NAP1L1: variants seen among roughly 807,000 people sequenced by gnomAD.
The protein encoded by NAP1L1 is nucleosome assembly protein 1-like 1.
NAP1L1 carries 9 observed loss-of-function variants against 58.9 expected under a neutral mutation model. The observed-to-expected ratio is 0.15, with a 90% CI of 0.09 to 0.27. The LOEUF (loss-of-function observed/expected upper bound fraction) is 0.27. NAP1L1 is among the 10% of genes least tolerant of loss of function. The pLI, the probability that NAP1L1 is intolerant of heterozygous loss-of-function variation, is 1.00. For synonymous variants in NAP1L1, 130 were observed against 138.3 expected (o/e 0.94, Z 0.42); for missense variants, 302 against 458.8 (o/e 0.66, Z 3.12).
At chr12:76,083,299 G>T (rs142221070) in intron 1 of NAP1L1, among the ~76,000 whole-genome samples, 2,145 of 151,286 alleles carry the variant, frequency 0.014, 12 homozygotes, top group Non-Finnish European at 0.024. Flanking sequence ...CTTCAATAAA[G>T]GAACTAATTT....
At chr12:76,076,148 A>G (rs1010068402) in intron 1 of NAP1L1, among the ~76,000 whole-genome samples, 4 of 152,204 alleles carry the variant, frequency 2.6e-5, no homozygotes, top group Non-Finnish European at 5.9e-5. Context: ...CAAGTCCTGC[A>G]CATCCTTTGG....
Position 76,038,869 on chromosome 12 carries a change from G to A in NAP1L1, c.*9560C>T, listed in dbSNP as rs1364173151. Reference sequence around the variant, plus strand: ...CCTTAAACATGTCAGAAACCAGAAAGTTTTTGTTTCTAATGAGATTTCATT... The same window carrying A: ...CCTTAAACATGTCAGAAACCAGAAAATTTTTGTTTCTAATGAGATTTCATT... On this transcript the variant is annotated 3_prime_UTR_variant, in exon 15 of 15. Transcript: ENST00000618691. 1 of 151,972 alleles carries A rather than the reference G, an allele frequency of 6.6e-6. No individual in the cohort carries two copies. The highest frequency in any genetic ancestry group is 1.5e-5 in the Non-Finnish European group (1 of 67,996). The allele number at this position is 151,972 out of a possible 1,614,324, so 9.4% of individuals were successfully genotyped here. A position where few individuals can be genotyped will look rare whatever the true frequency, so the allele number is the denominator to read the frequency against.
At chr12:76,081,087 T>TTA (rs1555187739) in intron 1 of NAP1L1, among the ~76,000 whole-genome samples, 6 of 151,626 alleles carry the variant, frequency 4.0e-5, no homozygotes, top group African/African-American at 1.2e-4. Context: ...TCTTTTTTTT[T>TTA]AAATAAATTA....
intron 1 of NAP1L1, among the ~76,000 whole-genome samples, chr12:76,074,630 T>G (rs1354231936): frequency 6.6e-6 from 1 of 152,232 alleles, no homozygotes; most frequent in Admixed American, 6.5e-5. Context: ...GCTTAAATTT[T>G]TAGACTACGT....
chr12:76,082,866 CAGATACTCGTTTCCAA>C (rs1262636124), intron 1 of NAP1L1, among the ~76,000 whole-genome samples: 3 of 152,148 alleles, frequency 2.0e-5, no homozygotes, highest in Non-Finnish European at 2.9e-5. Flanking sequence ...AAAGAGGACC[CAGATACTCGTTTCCAA>C]AGATGTTTTG....
At chr12:76,079,583 C>T (rs2137113008) in intron 1 of NAP1L1, among the ~76,000 whole-genome samples, 1 of 151,808 alleles carries the variant, frequency 6.6e-6, no homozygotes, top group South Asian at 2.1e-4. Flanking sequence ...CAAGGAAAAA[C>T]ATTAAGATAA....
intron 1 of NAP1L1, among the ~76,000 whole-genome samples, chr12:76,079,228 T>G (rs930162395): frequency 2.6e-5 from 4 of 152,114 alleles, no homozygotes; most frequent in South Asian, 4.1e-4. Flanking sequence ...AAAACATCTT[T>G]TAAGAATGAA....
At chr12:76,070,578 T>G (rs1949909527) in intron 2 of NAP1L1, among the ~76,000 whole-genome samples, 1 of 152,230 alleles carries the variant, frequency 6.6e-6, no homozygotes, top group Admixed American at 6.5e-5. Flanking sequence ...TATGCCCATG[T>G]GGCCAAATCC....
rs1000417103 is a variant in NAP1L1, at chr12:76,041,833, G to A, written c.*6596C>T. The stretch of plus-strand genomic sequence containing the variant: ...AGTGTCAAGGCTCCAGGTAAATGTT[G>A]GGAGATAGAAGGGATAACCTGAATA... On this transcript the variant is annotated 3_prime_UTR_variant, in exon 15 of 15. Coordinates refer to ENST00000618691, the MANE Select transcript of NAP1L1 (RefSeq NM_004537.7). The A allele has an allele frequency of 6.6e-6, 1 of 152,188 alleles. No homozygotes were observed. The highest frequency in any genetic ancestry group is 2.4e-5 in the African/African-American group (1 of 41,438). 9.4% of individuals were successfully genotyped at this position (152,188 alleles called of 1,614,324 possible).
intron 4 of NAP1L1, chr12:76,060,963 C>T (rs1364295344): frequency 5.7e-6 from 2 of 350,710 alleles, no homozygotes; most frequent in Non-Finnish European, 1.1e-5. Context: ...TGTGGTGGTG[C>T]ATGCCTGTGG....
Position 76,041,533 on chromosome 12 carries a change from T to C in NAP1L1, c.*6896A>G, listed in dbSNP as rs1340508246. ...CATCTCCAAGTTGCCGTGAAGTGGC[T>C]AAGTCCACTCACCAAGCCAAATGAA... On this transcript the variant is annotated 3_prime_UTR_variant, in exon 15 of 15. Coordinates refer to ENST00000618691, the MANE Select transcript of NAP1L1 (RefSeq NM_004537.7). 4 of 152,220 alleles carry C rather than the reference T, an allele frequency of 2.6e-5. No individual in the cohort carries two copies. Among genetic ancestry groups the C allele is most frequent in the Admixed American group, 2.0e-4 (3 of 15,278 alleles). 9.4% of individuals were successfully genotyped at this position (152,220 alleles called of 1,614,324 possible).
chr12:76,053,825 G>A lies in NAP1L1; in HGVS notation c.715C>T (p.Pro239Ser). The A allele has an allele frequency of 6.2e-7, 1 of 1,606,896 alleles. No homozygotes were observed. The change falls in exon 9 of 15, where the codon CCA becomes TCA. Residue 239 changes from proline to serine, a missense_variant. Transcript: ENST00000618691. ...AAAGAAAAGGGATCAGAATCATCTG[G>A]TTCTGACCTCATCCTGTATGTCTTT... Reference protein sequence around the residue: ...LTKTYRMRSEPDDSDPFSFDG... With the variant: ...LTKTYRMRSESDDSDPFSFDG...
chr12:76,059,026 C>T (rs369255667), intron 6 of NAP1L1, among the ~76,000 whole-genome samples: 40 of 152,288 alleles, frequency 2.6e-4, no homozygotes, highest in African/African-American at 9.4e-4. Flanking sequence ...AACCAGTAAG[C>T]CACTTCTTTG....
At chr12:76,057,998 T>C in intron 6 of NAP1L1, 1 of 834,252 alleles carries the variant, frequency 1.2e-6, no homozygotes, top group Non-Finnish European at 2.1e-6. Flanking sequence ...TCTCCTGTGG[T>C]GCCTCAGTAA....
intron 1 of NAP1L1, among the ~76,000 whole-genome samples, chr12:76,075,587 T>C (rs1028667282): frequency 2.6e-5 from 4 of 152,210 alleles, no homozygotes; most frequent in African/African-American, 9.7e-5. Context: ...GTATTTGTTA[T>C]AAATAATTCC....
chr12:76,069,331 C>A (rs911567053), intron 2 of NAP1L1, among the ~76,000 whole-genome samples: 1 of 152,208 alleles, frequency 6.6e-6, no homozygotes, highest in African/African-American at 2.4e-5. Flanking sequence ...ACAACATTCT[C>A]ATTTTATATG....
In NAP1L1 at chr12:76,039,323, G is replaced by C. The variant is rs993385351; in HGVS notation, c.*9106C>G. 3 of 152,160 alleles carry C rather than the reference G, an allele frequency of 2.0e-5. No homozygotes were observed. The highest frequency in any genetic ancestry group is 7.2e-5 in the African/African-American group (3 of 41,440). The allele number at this position is 152,160 out of a possible 1,614,324, so 9.4% of individuals were successfully genotyped here. On this transcript the variant is annotated 3_prime_UTR_variant, in exon 15 of 15. Coordinates refer to ENST00000618691, the MANE Select transcript of NAP1L1 (RefSeq NM_004537.7). ...CATCCTGTACCTTGAACCTGGACAT[G>C]ATGTATAGAGCCCCAGCAACCACTT...
rs982781219 is a variant in NAP1L1 at position 76,037,244 on chromosome 12, G to A, written c.*11185C>T. ...AGAACTATCCAGACTTCTTAGGTGGGTGTCCAGAGCTGCCTTCCTTTTCGC... is the reference window on the plus strand; with the variant it reads ...AGAACTATCCAGACTTCTTAGGTGGATGTCCAGAGCTGCCTTCCTTTTCGC... On this transcript the variant is annotated 3_prime_UTR_variant, in exon 15 of 15. Transcript: ENST00000618691. 1 of 152,248 alleles carries A rather than the reference G, an allele frequency of 6.6e-6. No individual in the cohort carries two copies. Among genetic ancestry groups the A allele is most frequent in the Admixed American group, 6.5e-5 (1 of 15,288 alleles). The allele number at this position is 152,248 out of a possible 1,614,324, so 9.4% of individuals were successfully genotyped here.
At chr12:76,082,256 A>G (rs1006508895) in intron 1 of NAP1L1, among the ~76,000 whole-genome samples, 1 of 152,208 alleles carries the variant, frequency 6.6e-6, no homozygotes, top group African/African-American at 2.4e-5. Flanking sequence ...AGTTTTGAAT[A>G]TATTTTGAGA....
Sources: gnomAD v4.1 joint callset for allele counts (sites outside exome capture counted in the v4.1 genomes callset) on GRCh38, gnomAD v4.1.1 for gene constraint, MANE v1.5 for transcripts, NCBI Gene and HGNC (gene_info 2026-07-23, HGNC 2026-07-21) for gene names.